The following MAD1L1 variants were observed in gnomAD, a reference collection of about 807,000 sequenced individuals.
MAD1L1 encodes mitotic arrest deficient 1 like 1, also known as mitotic spindle assembly checkpoint protein MAD1.
A neutral mutation model predicts 96.9 loss-of-function variants in MAD1L1; 95 were observed. The ratio of observed to expected loss-of-function variants is 0.98; its 90% CI spans 0.83 to 1.16. MAD1L1 has a LOEUF of 1.16. Among genes scored for constraint, MAD1L1 ranks in the 50% most tolerant of loss-of-function variants. MAD1L1 has a pLI of 0.00. For missense variants in MAD1L1, 1,007 were observed against 954.4 expected (o/e 1.06, Z -0.73); for synonymous variants, 473 against 396.6 (o/e 1.19, Z -2.29).
chr7:1,900,750 G>T (rs569077132), intron 17 of MAD1L1, among the ~76,000 whole-genome samples: 1 of 151,264 alleles, frequency 6.6e-6, no homozygotes, highest in Non-Finnish European at 1.5e-5. Flanking sequence ...GGAAGAATTA[G>T]ATTTTGGTAA....
intron 14 of MAD1L1, among the ~76,000 whole-genome samples, chr7:1,987,960 G>A (rs1413583713): frequency 6.6e-6 from 1 of 152,224 alleles, no homozygotes; most frequent in Non-Finnish European, 1.5e-5. Context: ...AGCCTAGGGA[G>A]GAGGCTGAGC....
At chr7:2,008,560 G>A (rs570823760) in intron 13 of MAD1L1, among the ~76,000 whole-genome samples, 1 of 152,366 alleles carries the variant, frequency 6.6e-6, no homozygotes, top group Admixed American at 6.5e-5. Context: ...GTGGGATGGA[G>A]AGAGAGCTTC....
intron 17 of MAD1L1, among the ~76,000 whole-genome samples, chr7:1,933,715 G>A (rs575588850): frequency 3.4e-4 from 52 of 152,206 alleles, no homozygotes; most frequent in Non-Finnish European, 7.3e-4. Flanking sequence ...AGAATAAACT[G>A]CTGGCTTGTT....
chr7:2,175,025 C>G (rs777373976), intron 10 of MAD1L1: 2 of 152,144 alleles, frequency 1.3e-5, no homozygotes, highest in African/African-American at 4.8e-5. Context: ...ACAGGAGGCC[C>G]TTCTACTCTT....
rs528001855 is a variant in MAD1L1 at position 1,893,520 on chromosome 7, C to T, written c.1998+4680G>A. Among the ~76,000 whole-genome samples, 12 of 152,304 alleles carry T rather than the reference C, an allele frequency of 7.9e-5. No homozygotes were observed. The South Asian group carries it at 2.3e-3, about 29-fold the overall frequency. On this transcript the variant is annotated intron_variant, in intron 18 of 18. Coordinates refer to ENST00000265854, the MANE Select transcript of MAD1L1 (RefSeq NM_001013836.2). ...TTCAGGAGCACGGGAGCCACGTATG[C>T]CAGCCCCCAGGTGGAGTGGGTGGGG...
intron 18 of MAD1L1, among the ~76,000 whole-genome samples, chr7:1,859,007 C>T (rs1784390340): frequency 6.6e-6 from 1 of 152,186 alleles, no homozygotes; most frequent in Non-Finnish European, 1.5e-5. Flanking sequence ...CGTCCCCCGA[C>T]TCGGCCTGCA....
intron 13 of MAD1L1, among the ~76,000 whole-genome samples, chr7:2,005,466 C>T (rs1324783501): frequency 6.6e-6 from 1 of 151,894 alleles, no homozygotes; most frequent in Non-Finnish European, 1.5e-5. Context: ...CCCTGGGGGA[C>T]GAATTAGGGA....
chr7:2,156,071 G>A (rs1405042545), intron 10 of MAD1L1, among the ~76,000 whole-genome samples: 1 of 152,258 alleles, frequency 6.6e-6, no homozygotes, highest in African/African-American at 2.4e-5. Context: ...GGATGTGCTC[G>A]GCTCTAACCA....
chr7:1,965,010 C>T (rs1162148219), intron 15 of MAD1L1, among the ~76,000 whole-genome samples: 1 of 152,206 alleles, frequency 6.6e-6, no homozygotes, highest in Non-Finnish European at 1.5e-5. Flanking sequence ...GCCAGCCCCT[C>T]CCCAGTGGGC....
At chr7:1,997,180 G>T (rs572148075) in intron 14 of MAD1L1, among the ~76,000 whole-genome samples, 19 of 152,212 alleles carry the variant, frequency 1.2e-4, no homozygotes, top group Non-Finnish European at 2.6e-4. Flanking sequence ...ATTAACTAAA[G>T]ATTTAAATTT....
chr7:2,158,838 C>G (rs967736853), intron 10 of MAD1L1, among the ~76,000 whole-genome samples: 1 of 152,214 alleles, frequency 6.6e-6, no homozygotes, highest in African/African-American at 2.4e-5. Flanking sequence ...GGGTCAGGTT[C>G]TGCAGGAGCC....
intron 18 of MAD1L1, among the ~76,000 whole-genome samples, chr7:1,886,366 G>C (rs1343756828): frequency 6.6e-6 from 1 of 152,238 alleles, no homozygotes; most frequent in Non-Finnish European, 1.5e-5. Context: ...CCAAGGTCAT[G>C]TCTACACCCG....
chr7:2,198,617 C>T (rs1435892333), intron 10 of MAD1L1, among the ~76,000 whole-genome samples: 2 of 152,228 alleles, frequency 1.3e-5, no homozygotes, highest in African/African-American at 2.4e-5. Context: ...GAGCATGGAA[C>T]ACACACTTCA....
intron 11 of MAD1L1, among the ~76,000 whole-genome samples, chr7:2,098,700 G>A (rs1181417314): frequency 2.6e-5 from 4 of 152,154 alleles, no homozygotes; most frequent in African/African-American, 9.7e-5. Context: ...GCTCCAGGAG[G>A]CCCAAGGGAG....
At chr7:2,002,181 C>A in intron 13 of MAD1L1, 60 bp from the exon 14 acceptor site, 5 of 1,522,370 alleles carry the variant, frequency 3.3e-6, no homozygotes, top group South Asian at 2.2e-5. Context: ...ATTTCTAGGA[C>A]TGCAGGGAAC....
chr7:1,870,381 TGCTGAACCCACCATAACACCTGCCAC>T (rs1468581893), intron 18 of MAD1L1, among the ~76,000 whole-genome samples: 4 of 107,828 alleles, frequency 3.7e-5, no homozygotes, highest in Non-Finnish European at 8.0e-5. Flanking sequence ...ACGCTTGCCA[TGCTGAACCCACCATAACACCTGCCAC>T]GCTGAACCCA....
intron 3 of MAD1L1, among the ~76,000 whole-genome samples, chr7:2,229,413 G>C (rs1584608927): frequency 6.6e-6 from 1 of 152,376 alleles, no homozygotes; most frequent in East Asian, 1.9e-4. Flanking sequence ...ATCCTCTGCA[G>C]TTGTGTCTAC....
intron 15 of MAD1L1, among the ~76,000 whole-genome samples, chr7:1,960,476 A>C (rs1352131598): frequency 1.3e-5 from 2 of 152,262 alleles, no homozygotes; most frequent in Non-Finnish European, 2.9e-5. Context: ...ACATGCCATC[A>C]CTAAGAAAAC....
In MAD1L1 at chr7:1,966,560, C is replaced by CAAAAAAAAAAA. The variant is rs199627043; in HGVS notation, c.1506-8852_1506-8842dup. Reference sequence around the variant, plus strand: ...AATGGCTGAAATATCCCAAACTTGGCAAAAAAAAAAAAAAAACAAAAAAAA... The same window carrying CAAAAAAAAAAA: ...AATGGCTGAAATATCCCAAACTTGGCAAAAAAAAAAAAAAAAAAAAAAAAAAACAAAAAAAA... On this transcript the variant is annotated intron_variant, in intron 15 of 18. Transcript: ENST00000265854. 3.2e-4 allele frequency among the ~76,000 whole-genome samples: 3 copies of CAAAAAAAAAAA among 9,280 alleles called. 1 individual carries two copies. The highest frequency in any genetic ancestry group is 1.3e-3 in the Admixed American group (1 of 768). The allele number at this position is 9,280 out of a possible 152,430, so 6.1% of individuals were successfully genotyped here.
Sources: gnomAD v4.1 joint callset for allele counts (sites outside exome capture counted in the v4.1 genomes callset) on GRCh38, gnomAD v4.1.1 for gene constraint, MANE v1.5 for transcripts, NCBI Gene and HGNC (gene_info 2026-07-23, HGNC 2026-07-21) for gene names.